Variants in SYN3 observed in about 807,000 individuals in gnomAD.
SYN3 encodes synapsin III.
A neutral mutation model predicts 65.8 loss-of-function variants in SYN3; 35 were observed. The observed-to-expected ratio is 0.53, with a 90% CI of 0.41 to 0.70. SYN3 has a LOEUF of 0.70. Among genes scored for constraint, SYN3 ranks in the 30% least tolerant of loss-of-function variants. The pLI is 0.00. For synonymous variants in SYN3, 270 were observed against 292.9 expected (o/e 0.92, Z 0.80); for missense variants, 680 against 749.0 (o/e 0.91, Z 1.08).
At chr22:32,873,646 T>C (rs2048911190) in intron 4 of SYN3, among the ~76,000 whole-genome samples, 1 of 152,154 alleles carries the variant, frequency 6.6e-6, no homozygotes, top group Admixed American at 6.5e-5. Flanking sequence ...TGATGTAAAA[T>C]GGGCCTGTGA....
chr22:32,671,637 GCT>G (rs2060368072), intron 6 of SYN3, among the ~76,000 whole-genome samples: 2 of 118,910 alleles, frequency 1.7e-5, no homozygotes, highest in Admixed American at 9.1e-5. Context: ...ATACACAGAC[GCT>G]CTCACACAGA....
At chr22:32,900,430 G>A (rs2049725797) in intron 4 of SYN3, among the ~76,000 whole-genome samples, 1 of 152,120 alleles carries the variant, frequency 6.6e-6, no homozygotes, top group Non-Finnish European at 1.5e-5. Flanking sequence ...AAATGTTATG[G>A]TCATTTGTTC....
intron 6 of SYN3, among the ~76,000 whole-genome samples, chr22:32,761,697 G>C (rs1023924167): frequency 5.9e-5 from 9 of 152,180 alleles, no homozygotes; most frequent in African/African-American, 2.2e-4. Context: ...TTGTTTTGCG[G>C]GGAGGCCACA....
chr22:32,871,163 C>A (rs1042898809), intron 4 of SYN3, among the ~76,000 whole-genome samples: 1 of 152,192 alleles, frequency 6.6e-6, no homozygotes, highest in East Asian at 1.9e-4. Context: ...TGGCCAGCCT[C>A]CTATTTTTTT....
intron 6 of SYN3, among the ~76,000 whole-genome samples, chr22:32,632,882 G>C (rs1445422966): frequency 1.3e-5 from 2 of 152,210 alleles, no homozygotes; most frequent in African/African-American, 4.8e-5. Context: ...GATGTCTTTG[G>C]CTTCTAATTC....
At chr22:32,692,098 G>GC (rs145841032) in intron 6 of SYN3, among the ~76,000 whole-genome samples, 2 of 122,100 alleles carry the variant, frequency 1.6e-5, no homozygotes, top group Non-Finnish European at 3.4e-5. Context: ...TGTGGTCATT[G>GC]TTTTTTTTTT....
Position 32,869,034 on chromosome 22 carries a change from G to A in SYN3, c.553C>T (p.Gln185Ter). ...EDYRSLVIGL[Q>*]YGGLPAVNSL... ...TTGACAGCAGGCAGCCCTCCATACT[G>A]CAGGCCGATGACCAGGCTGCGGTAG... Residue 185 changes from glutamine (Q) to a stop codon, truncating the protein, a stop_gained, in exon 5 of 14, where the codon CAG becomes TAG. Transcript: ENST00000358763. LOFTEE classifies it high-confidence loss of function. The A allele has an allele frequency of 6.2e-7, 1 of 1,614,106 alleles. No individual in the cohort carries two copies. Among genetic ancestry groups the A allele is most frequent in the Non-Finnish European group, 8.5e-7 (1 of 1,180,006 alleles).
At chr22:32,705,831 T>G (rs1181530917) in intron 6 of SYN3, among the ~76,000 whole-genome samples, 1 of 152,250 alleles carries the variant, frequency 6.6e-6, no homozygotes, top group Non-Finnish European at 1.5e-5. Flanking sequence ...TGAATGGGAC[T>G]GTGTTCCTGA....
chr22:32,909,513 T>C (rs953527321), intron 4 of SYN3, among the ~76,000 whole-genome samples: 5 of 152,128 alleles, frequency 3.3e-5, no homozygotes, highest in African/African-American at 1.2e-4. Context: ...ACCCCAAATC[T>C]ATTAGGCATG....
intron 3 of SYN3, among the ~76,000 whole-genome samples, chr22:32,962,969 G>GTA (rs1486783142): frequency 6.7e-6 from 1 of 150,228 alleles, no homozygotes; most frequent in Non-Finnish European, 1.5e-5. Flanking sequence ...GGGTATAAAT[G>GTA]TATATATATA....
intron 7 of SYN3, among the ~76,000 whole-genome samples, chr22:32,560,302 G>T (rs1211965940): frequency 1.3e-5 from 2 of 152,208 alleles, no homozygotes; most frequent in African/African-American, 4.8e-5. Flanking sequence ...CTTTCCCTCT[G>T]CCTTAGGCCT....
intron 6 of SYN3, among the ~76,000 whole-genome samples, chr22:32,691,586 T>G (rs2060662126): frequency 6.6e-6 from 1 of 152,072 alleles, no homozygotes; most frequent in Non-Finnish European, 1.5e-5. Context: ...GTGAATCAGA[T>G]GAGGGTGAAG....
intron 6 of SYN3, among the ~76,000 whole-genome samples, chr22:32,657,080 T>G (rs1207715655): frequency 6.6e-6 from 1 of 152,114 alleles, no homozygotes; most frequent in African/African-American, 2.4e-5. Context: ...AGTCTCAGCC[T>G]GAGAGACTCT....
intron 6 of SYN3, among the ~76,000 whole-genome samples, chr22:32,795,437 C>T (rs905502793): frequency 2.0e-5 from 3 of 152,092 alleles, no homozygotes; most frequent in South Asian, 2.1e-4. Context: ...TGGGTAACCC[C>T]GGAGGGGACT....
chr22:32,969,373 G>A (rs948542872), intron 3 of SYN3, among the ~76,000 whole-genome samples: 21 of 152,284 alleles, frequency 1.4e-4, no homozygotes, highest in African/African-American at 4.1e-4. Flanking sequence ...CCCAGCCCTC[G>A]CTGCTTGGAG....
intron 6 of SYN3, among the ~76,000 whole-genome samples, chr22:32,743,343 C>G (rs1332817683): frequency 6.6e-6 from 1 of 152,188 alleles, no homozygotes; most frequent in Admixed American, 6.5e-5. Flanking sequence ...AGGAACAACC[C>G]TTGGCTGGCT....
At chr22:32,708,351 G>C (rs1251820282) in intron 6 of SYN3, among the ~76,000 whole-genome samples, 2 of 152,206 alleles carry the variant, frequency 1.3e-5, no homozygotes, top group Non-Finnish European at 2.9e-5. Flanking sequence ...GCCCCTTCTT[G>C]CCTGCACTCC....
intron 4 of SYN3, among the ~76,000 whole-genome samples, chr22:32,872,031 C>A (rs545587440): frequency 3.9e-5 from 6 of 152,112 alleles, no homozygotes; most frequent in African/African-American, 1.4e-4. Context: ...TCCCACATTG[C>A]GTGTAGGTGC....
intron 3 of SYN3, among the ~76,000 whole-genome samples, chr22:32,977,791 A>AAGC (rs1387917800): frequency 6.6e-6 from 1 of 151,566 alleles, no homozygotes; most frequent in African/African-American, 2.4e-5. Context: ...GGAAACTGAC[A>AAGC]AGCAGCCTGG....
Sources: gnomAD v4.1 joint callset for allele counts (sites outside exome capture counted in the v4.1 genomes callset) on GRCh38, gnomAD v4.1.1 for gene constraint, MANE v1.5 for transcripts, NCBI Gene and HGNC (gene_info 2026-07-23, HGNC 2026-07-21) for gene names.